WTAP: variants seen among roughly 807,000 people sequenced by gnomAD.
The protein encoded by WTAP is pre-mRNA-splicing regulator WTAP.
In WTAP, 8 loss-of-function variants were observed where a neutral mutation model predicts 50.0. The ratio of observed to expected loss-of-function variants is 0.16; its 90% CI spans 0.09 to 0.29. The LOEUF (loss-of-function observed/expected upper bound fraction) is 0.29, where lower values mean the gene tolerates loss of function less well. Ranked by LOEUF, WTAP falls within the 10% of genes least tolerant of loss-of-function variation. The pLI, the probability that WTAP is intolerant of heterozygous loss-of-function variation, is 1.00. For synonymous variants in WTAP, 194 were observed against 169.0 expected (o/e 1.15, Z -1.15); for missense variants, 295 against 470.7 (o/e 0.63, Z 3.45).
At chr6:159,727,373 C>CTGGCGGG, upstream of WTAP, 1 of 623,018 alleles carries the variant, frequency 1.6e-6, no homozygotes, top group African/African-American at 3.8e-5. Context: ...AGCGGGGAGG[C>CTGGCGGG]TGGCGGGAGG....
chr6:159,736,282 C>G lies in WTAP; in HGVS notation c.17C>G (p.Pro6Arg). The G allele has an allele frequency of 1.2e-6, 2 of 1,603,540 alleles. No homozygotes were observed. The highest frequency in any genetic ancestry group is 1.7e-6 in the Non-Finnish European group (2 of 1,174,566). Residue 6 changes from proline (P) to arginine (R), a missense_variant, in exon 2 of 8, where the codon CCT (proline) becomes CGT (arginine). Around this residue, in one of 2 missense-constraint regions of WTAP, gnomAD observed 120 missense variants for 287.6 expected, o/e 0.42. Coordinates refer to ENST00000621533, the MANE Select transcript of WTAP (RefSeq NM_001270531.2). MTNEE[P>R]LPKKVRLSET... ...GGATTCAAGATGACCAACGAAGAAC[C>G]TCTTCCCAAGAAGGTATGGGTTTTG...
intron 6 of WTAP, among the ~76,000 whole-genome samples, chr6:159,750,481 C>A (rs1235817578): frequency 3.3e-5 from 5 of 152,146 alleles, no homozygotes; most frequent in African/African-American, 9.7e-5. Context: ...CCTTGACATC[C>A]TCATTCTCTT....
intron 1 of WTAP, among the ~76,000 whole-genome samples, chr6:159,728,662 A>T (rs1020562386): frequency 6.6e-6 from 1 of 152,254 alleles, no homozygotes; most frequent in Non-Finnish European, 1.5e-5. Flanking sequence ...ATTTAAAACT[A>T]TGAGCGAAAA....
At chr6:159,733,371 CT>C (rs1213461346) in intron 1 of WTAP, among the ~76,000 whole-genome samples, 1 of 152,156 alleles carries the variant, frequency 6.6e-6, no homozygotes, top group East Asian at 1.9e-4. Flanking sequence ...AATGCCAGCA[CT>C]TTGGGAGGCC....
chr6:159,727,477 G>T, upstream of WTAP: 1 of 994,012 alleles, frequency 1.0e-6, no homozygotes, highest in South Asian at 4.3e-5. Flanking sequence ...CGTGCGGCGG[G>T]GCGGGGCCGG....
chr6:159,752,384 A>T (rs1445423463), intron 6 of WTAP, among the ~76,000 whole-genome samples: 1 of 152,170 alleles, frequency 6.6e-6, no homozygotes, highest in African/African-American at 2.4e-5. Context: ...TAATTACAAG[A>T]ACAAGCAAAT....
rs143645511 is a variant in WTAP at position 159,740,894 on chromosome 6, G to A, written c.87-1194G>A. Among the ~76,000 whole-genome samples, 953 of 152,018 alleles carry A rather than the reference G, an allele frequency of 6.3e-3. 11 individuals are homozygous for A. The highest frequency in any genetic ancestry group is 0.022 in the African/African-American group (919 of 41,472). On this transcript the variant is annotated intron_variant, in intron 3 of 7. Transcript: ENST00000621533. ...TTTTTTTGTATTTTCAGTAGAGACG[G>A]GATTTCACTGTGTTGGCCAGGATGG...
At chr6:159,731,671 A>G (rs1778578670) in intron 1 of WTAP, among the ~76,000 whole-genome samples, 1 of 152,110 alleles carries the variant, frequency 6.6e-6, no homozygotes, top group African/African-American at 2.4e-5. Context: ...CTATTAATTA[A>G]ATGCCCATTT....
At chr6:159,740,954 G>A (rs1331970759) in intron 3 of WTAP, among the ~76,000 whole-genome samples, 1 of 152,008 alleles carries the variant, frequency 6.6e-6, no homozygotes, top group South Asian at 2.1e-4. Flanking sequence ...TGCCCGCCTC[G>A]GCCTCCCAAA....
At chr6:159,753,124 A>G (rs1779880320) in intron 6 of WTAP, among the ~76,000 whole-genome samples, 1 of 152,222 alleles carries the variant, frequency 6.6e-6, no homozygotes. Flanking sequence ...TAATACTGGT[A>G]TAGCCAAGGT....
chr6:159,731,122 C>G (rs1778541056), intron 1 of WTAP, among the ~76,000 whole-genome samples: 1 of 151,758 alleles, frequency 6.6e-6, no homozygotes, highest in Non-Finnish European at 1.5e-5. Context: ...GCCTGGGCAA[C>G]AGAGAGAGAC....
rs1336634479 is a variant in WTAP, at chr6:159,740,700, TTTTC to T, written c.87-1380_87-1377del. On this transcript the variant is annotated intron_variant, in intron 3 of 7. Coordinates refer to ENST00000621533, the MANE Select transcript of WTAP (RefSeq NM_001270531.2). ...ATTAGGAAGGTTTTTTTTTTTTCTT[TTTTC>T]TTTCTTTTTTTTTTTTTTAAGACAG... 6.6e-5 allele frequency among the ~76,000 whole-genome samples: 10 copies of T among 151,668 alleles called. No individual in the cohort carries two copies. In the East Asian group the frequency reaches 7.7e-4, roughly 12 times the overall value.
chr6:159,731,232 C>G (rs1219400854), intron 1 of WTAP, among the ~76,000 whole-genome samples: 1 of 150,802 alleles, frequency 6.6e-6, no homozygotes, highest in Non-Finnish European at 1.5e-5. Flanking sequence ...GAGGCCCAAG[C>G]AGGAGGATTC....
chr6:159,755,079 G>A lies in WTAP; in HGVS notation c.659G>A (p.Ser220Asn), dbSNP rs1396567049. ...GATGAAGAAGTAGAGGGTATGCAGA[G>A]TACCATTCTAGTTCTGCAGCAGCAG... ...QLDEEVEGMQ[S>N]TILVLQQQLK... Residue 220 changes from serine to asparagine, a missense_variant, in exon 8 of 8, where the codon AGT becomes AAT. Physicochemically the swap from Ser to Asn is conservative, Grantham distance 46 (BLOSUM62 1). Around this residue, in one of 2 missense-constraint regions of WTAP, gnomAD observed 120 missense variants for 287.6 expected, o/e 0.42. Transcript: ENST00000621533. 6.2e-7 allele frequency: 1 copy of A among 1,614,166 alleles called. No homozygotes were observed. The highest frequency in any genetic ancestry group is 1.1e-5 in the South Asian group (1 of 91,080).
chr6:159,753,953 C>T (rs774129243), intron 7 of WTAP, among the ~76,000 whole-genome samples: 1 of 152,138 alleles, frequency 6.6e-6, no homozygotes, highest in Non-Finnish European at 1.5e-5. Context: ...AAGCATTTCT[C>T]GTTAAGTGTA....
At chr6:159,741,514 T>TC (rs1255806185) in intron 3 of WTAP, 3 of 152,210 alleles carry the variant, frequency 2.0e-5, no homozygotes, top group Admixed American at 6.5e-5. Flanking sequence ...GATTTTTTTT[T>TC]CAGCTTCTAT....
intron 6 of WTAP, among the ~76,000 whole-genome samples, chr6:159,750,330 A>ATC (rs1779772619): frequency 6.6e-6 from 1 of 152,218 alleles, no homozygotes; most frequent in Admixed American, 6.5e-5. Context: ...TGACACTTAG[A>ATC]TAACAGTCAT....
intron 2 of WTAP, chr6:159,736,657 A>G (rs1778936899): frequency 6.0e-6 from 1 of 165,524 alleles, no homozygotes; most frequent in South Asian, 1.9e-4. Flanking sequence ...TGAGTATATT[A>G]TTATTCTTTT....
At position 159,743,810 on chromosome 6, in the gene WTAP, T is replaced by TATAA; in HGVS notation, c.273+21_273+24dup. 1 of 1,584,730 alleles carries TATAA rather than the reference T, an allele frequency of 6.3e-7. No homozygotes were observed. The highest frequency in any genetic ancestry group is 8.6e-7 in the Non-Finnish European group (1 of 1,168,612). On this transcript the variant is annotated intron_variant, in intron 5 of 7. Coordinates refer to ENST00000621533, the MANE Select transcript of WTAP (RefSeq NM_001270531.2). Reference sequence around the variant, plus strand: ...AGTGTACTGTAAGTATTTCAAGTTATATAAATGTCTTTAGTTGAGGAATTG... The same window carrying TATAA: ...AGTGTACTGTAAGTATTTCAAGTTATATAAATAAATGTCTTTAGTTGAGGAATTG...
Sources: gnomAD v4.1 joint callset for allele counts (sites outside exome capture counted in the v4.1 genomes callset) on GRCh38, gnomAD v4.1.1 for gene constraint, gnomAD v4.1.1 regional missense constraint, MANE v1.5 for transcripts, NCBI Gene and HGNC (gene_info 2026-07-23, HGNC 2026-07-21) for gene names.